Variants in ENTREP2 observed in about 807,000 individuals in gnomAD.
ENTREP2 encodes the protein protein ENTREP2.
At chr15:29,131,038 G>A in the ENTREP2 span, among the ~76,000 whole-genome samples, 281 of 152,270 alleles carry the variant, frequency 1.8e-3, no homozygotes, top group Middle Eastern at 6.8e-3. Context: ...AACAGTCATC[G>A]TAACTGGAAA....
At chr15:29,631,342 G>A in the ENTREP2 span, among the ~76,000 whole-genome samples, 1 of 152,140 alleles carries the variant, frequency 6.6e-6, no homozygotes, top group Non-Finnish European at 1.5e-5. Context: ...GTATCTTGGA[G>A]ACTTTGGGTA....
chr15:29,354,636 G>C, the ENTREP2 span, among the ~76,000 whole-genome samples: 4 of 152,040 alleles, frequency 2.6e-5, no homozygotes, highest in Admixed American at 6.5e-5. Flanking sequence ...GTCTCACGGT[G>C]ATAAACAGAC....
the ENTREP2 span, among the ~76,000 whole-genome samples, chr15:29,403,762 T>TCC: frequency 2.0e-5 from 3 of 152,278 alleles, no homozygotes; most frequent in South Asian, 6.2e-4. Context: ...GAGGCTGTGC[T>TCC]CCCATTCCTG....
chr15:29,606,731 A>AT, the ENTREP2 span, among the ~76,000 whole-genome samples: 5,709 of 150,366 alleles, frequency 0.038, 376 homozygotes, highest in African/African-American at 0.13. Flanking sequence ...GGTTCAAATG[A>AT]TTTTTTTTTT....
the ENTREP2 span, among the ~76,000 whole-genome samples, chr15:29,501,810 T>G: frequency 1.8e-4 from 28 of 152,068 alleles, 1 homozygote; most frequent in East Asian, 5.4e-3. Context: ...ATATTAAAGC[T>G]AATAAATTTG....
At chr15:29,414,451 C>G in the ENTREP2 span, among the ~76,000 whole-genome samples, 3 of 151,760 alleles carry the variant, frequency 2.0e-5, no homozygotes, top group Admixed American at 6.6e-5. Context: ...TTGAAACCAA[C>G]GAGAACAAAG....
the ENTREP2 span, among the ~76,000 whole-genome samples, chr15:29,560,086 C>T: frequency 3.9e-5 from 6 of 152,258 alleles, no homozygotes; most frequent in East Asian, 3.9e-4. Context: ...AAGCCACTTA[C>T]GGGGCTACCA....
chr15:29,234,221 G>A, the ENTREP2 span: 6 of 1,610,538 alleles, frequency 3.7e-6, no homozygotes, highest in South Asian at 6.6e-5. Context: ...ACGCTTAACT[G>A]GTGGTTGTCG....
chr15:29,222,634 G>T, the ENTREP2 span, among the ~76,000 whole-genome samples: 1 of 151,946 alleles, frequency 6.6e-6, no homozygotes, highest in East Asian at 1.9e-4. Flanking sequence ...TGCATCTCCC[G>T]TCACTCATGC....
chr15:29,557,411 G>A, the ENTREP2 span, among the ~76,000 whole-genome samples: 1 of 152,178 alleles, frequency 6.6e-6, no homozygotes, highest in African/African-American at 2.4e-5. Flanking sequence ...CACAGTTGAG[G>A]ATCCCAGGGA....
the ENTREP2 span, among the ~76,000 whole-genome samples, chr15:29,171,552 AT>A: frequency 1.6e-4 from 24 of 151,342 alleles, no homozygotes; most frequent in South Asian, 2.1e-3. Context: ...CAAGTAAGGT[AT>A]TTTTTTTTAA....
the ENTREP2 span, among the ~76,000 whole-genome samples, chr15:29,139,955 C>T: frequency 1.1e-4 from 16 of 152,172 alleles, no homozygotes; most frequent in South Asian, 2.1e-4. Flanking sequence ...CCCAGGCTGC[C>T]GTGCCTGGGC....
At chr15:29,178,387 T>C in the ENTREP2 span, among the ~76,000 whole-genome samples, 2 of 152,066 alleles carry the variant, frequency 1.3e-5, no homozygotes, top group Non-Finnish European at 2.9e-5. Flanking sequence ...AGAATATTTA[T>C]ATCCTGCCCA....
At chr15:29,135,327 G>A in the ENTREP2 span, among the ~76,000 whole-genome samples, 1 of 152,116 alleles carries the variant, frequency 6.6e-6, no homozygotes, top group Non-Finnish European at 1.5e-5. This position sits in a 1 kb window ranked among gnomAD's most constrained non-coding sequence, Gnocchi z 7.4. Context: ...CCTAAAATAT[G>A]TTTTCCAGTC....
chr15:29,445,438 G>A, the ENTREP2 span, among the ~76,000 whole-genome samples: 1 of 152,126 alleles, frequency 6.6e-6, no homozygotes, highest in South Asian at 2.1e-4. Flanking sequence ...GGGAAGGGAA[G>A]AGGGGCCAAA....
the ENTREP2 span, among the ~76,000 whole-genome samples, chr15:29,207,233 C>T: frequency 4.2e-4 from 64 of 152,132 alleles, no homozygotes; most frequent in Non-Finnish European, 8.1e-4. Flanking sequence ...ACACACTAGG[C>T]GTGGAAGCAT....
the ENTREP2 span, among the ~76,000 whole-genome samples, chr15:29,154,547 C>A: frequency 4.6e-5 from 7 of 152,260 alleles, no homozygotes; most frequent in African/African-American, 1.7e-4. Flanking sequence ...ACTCAAAAAG[C>A]TATCAGAAAA....
At chr15:29,631,776 T>G in the ENTREP2 span, among the ~76,000 whole-genome samples, 1 of 152,190 alleles carries the variant, frequency 6.6e-6, no homozygotes, top group East Asian at 1.9e-4. Flanking sequence ...ACCATGCCAG[T>G]AGGGAAGGAA....
At chr15:29,469,827 A>G in the ENTREP2 span, among the ~76,000 whole-genome samples, 1 of 152,148 alleles carries the variant, frequency 6.6e-6, no homozygotes, top group Non-Finnish European at 1.5e-5. Context: ...CCTTTGAGAC[A>G]GCCTCCTGGA....
Sources: allele counts gnomAD v4.1 joint callset (sites outside exome capture counted in the v4.1 genomes callset), GRCh38; gene constraint gnomAD v4.1.1; non-coding constraint Gnocchi (gnomAD v3.1); transcripts MANE v1.5; gene names NCBI Gene and HGNC (gene_info 2026-07-23, HGNC 2026-07-21).